Variants in SMG6 observed in about 807,000 individuals in gnomAD.
The protein encoded by SMG6 is telomerase-binding protein EST1A.
A neutral mutation model predicts 142.2 loss-of-function variants in SMG6; 66 were observed. The observed-to-expected ratio is 0.46, with a 90% CI of 0.38 to 0.57. The LOEUF is 0.57. SMG6 is among the 20% of genes least tolerant of loss of function. The pLI is 0.00. For missense variants in SMG6, 1,793 were observed against 1,832.0 expected (o/e 0.98, Z 0.39); for synonymous variants, 779 against 702.4 (o/e 1.11, Z -1.72).
chr17:2,139,008 G>A (rs1182196720), intron 13 of SMG6, among the ~76,000 whole-genome samples: 5 of 152,138 alleles, frequency 3.3e-5, no homozygotes, highest in African/African-American at 4.8e-5. Flanking sequence ...GATGTGTAGC[G>A]TGGCACTGCC....
At chr17:2,062,234 C>G (rs542170729) in intron 18 of SMG6, 9 of 152,470 alleles carry the variant, frequency 5.9e-5, no homozygotes, top group African/African-American at 2.2e-4. Context: ...TAACAGTAAT[C>G]CATGTATACA....
At chr17:2,219,429 C>A (rs1002125639) in intron 10 of SMG6, among the ~76,000 whole-genome samples, 4 of 151,936 alleles carry the variant, frequency 2.6e-5, no homozygotes, top group Admixed American at 2.6e-4. Context: ...TTAATGTCTA[C>A]AGGAAGGTGG....
chr17:2,242,306 A>G (rs929340556), intron 9 of SMG6, among the ~76,000 whole-genome samples: 2 of 149,560 alleles, frequency 1.3e-5, no homozygotes, highest in Non-Finnish European at 3.0e-5. Flanking sequence ...AGGTCAGGAG[A>G]TCGAGACCAT....
chr17:2,195,595 C>T (rs1166233900), intron 10 of SMG6, among the ~76,000 whole-genome samples: 9 of 152,216 alleles, frequency 5.9e-5, no homozygotes, highest in Non-Finnish European at 2.9e-5. Context: ...AGTAGGCACA[C>T]TTGCCTCTCT....
intron 6 of SMG6, among the ~76,000 whole-genome samples, chr17:2,292,234 G>A (rs960359237): frequency 2.6e-5 from 4 of 152,210 alleles, no homozygotes; most frequent in African/African-American, 9.6e-5. Context: ...TAGTTCAACA[G>A]AAAGGGAAGA....
In SMG6 at chr17:2,164,538, G is replaced by A. The variant is rs140338828; in HGVS notation, c.3357+8120C>T. 1.9e-3 allele frequency among the ~76,000 whole-genome samples: 294 copies of A among 152,014 alleles called. 1 individual carries two copies. Among genetic ancestry groups the A allele is most frequent in the African/African-American group, 6.6e-3 (272 of 41,476 alleles). On this transcript the variant is annotated intron_variant, in intron 13 of 18. Coordinates refer to ENST00000263073, the MANE Select transcript of SMG6 (RefSeq NM_017575.5). ...CAGGATCATCACTTGAACCCAGGAG[G>A]TGGAGGTTGCAGCGTGCCGAGATCG...
In SMG6 at chr17:2,068,667, C is replaced by T; in HGVS notation, c.3835+111G>A. 8.7e-7 allele frequency: 1 copy of T among 1,148,240 alleles called. No homozygotes were observed. The highest frequency in any genetic ancestry group is 1.2e-6 in the Non-Finnish European group (1 of 817,458). The allele number at this position is 1,148,240 out of a possible 1,614,324, so 71.1% of individuals were successfully genotyped here. A position where few individuals can be genotyped will look rare whatever the true frequency, so the allele number is the denominator to read the frequency against. The stretch of plus-strand genomic sequence containing the variant: ...TTCCCTACTCCCCTGCAAATCCCAT[C>T]TTACACACGCACAGCAGGGCTCTGC... On this transcript the variant is annotated intron_variant, in intron 16 of 18. Transcript: ENST00000263073. The surrounding 1 kb of genome is among the most constrained non-coding windows in gnomAD (Gnocchi z 6.7).
intron 13 of SMG6, among the ~76,000 whole-genome samples, chr17:2,146,399 T>A (rs959159304): frequency 6.6e-6 from 1 of 152,186 alleles, no homozygotes; most frequent in Admixed American, 6.5e-5. Flanking sequence ...TGAACAGATA[T>A]GAGTAAGTAG....
At chr17:2,192,817 T>C (rs1567672435) in intron 10 of SMG6, among the ~76,000 whole-genome samples, 1 of 152,206 alleles carries the variant, frequency 6.6e-6, no homozygotes, top group Non-Finnish European at 1.5e-5. Context: ...CCGTGGCAGC[T>C]GCTAGCTGAA....
At chr17:2,229,827 G>A (rs1414587483) in intron 10 of SMG6, among the ~76,000 whole-genome samples, 2 of 152,064 alleles carry the variant, frequency 1.3e-5, no homozygotes, top group African/African-American at 4.8e-5. Context: ...AATCTGGCCT[G>A]AGCCCCACAC....
chr17:2,159,423 G>C (rs1225508701), intron 13 of SMG6, among the ~76,000 whole-genome samples: 1 of 152,060 alleles, frequency 6.6e-6, no homozygotes, highest in African/African-American at 2.4e-5. Flanking sequence ...GCGAGACTCT[G>C]TCTCAAACAA....
intron 12 of SMG6, among the ~76,000 whole-genome samples, chr17:2,179,856 T>C (rs546930485): frequency 1.4e-4 from 21 of 152,288 alleles, no homozygotes; most frequent in African/African-American, 4.6e-4. Context: ...GAGAAAGCTC[T>C]GGGGATTAAA....
Position 2,299,988 on chromosome 17 carries a change from G to A in SMG6, c.765C>T (p.Arg255=). 2 of 1,614,106 alleles carry A rather than the reference G, an allele frequency of 1.2e-6. No homozygotes were observed. The highest frequency in any genetic ancestry group is 1.1e-5 in the South Asian group (1 of 91,086). ...SRSDKRRNRY[R]TRSTSSAGSN... Reference sequence around the variant, plus strand: ...TGCCAGCTGAGCTGGTGCTGCGCGTGCGGTAGCGATTCCTTCGTTTGTCTG... The same window carrying A: ...TGCCAGCTGAGCTGGTGCTGCGCGTACGGTAGCGATTCCTTCGTTTGTCTG... The change falls in exon 2 of 19, where the codon CGC becomes CGT. Residue 255 remains arginine, a synonymous_variant. Coordinates refer to ENST00000263073, the MANE Select transcript of SMG6 (RefSeq NM_017575.5). This position sits in a 1 kb window ranked among gnomAD's most constrained non-coding sequence, Gnocchi z 4.3.
At chr17:2,301,290 T>A (rs1258162658) in intron 1 of SMG6, among the ~76,000 whole-genome samples, 1 of 152,200 alleles carries the variant, frequency 6.6e-6, no homozygotes, top group Non-Finnish European at 1.5e-5. Flanking sequence ...TGCTGGTGAA[T>A]TAAACAGCAA....
At chr17:2,280,560 G>C (rs1172849869) in intron 8 of SMG6, 46 of 983,234 alleles carry the variant, frequency 4.7e-5, no homozygotes, top group Non-Finnish European at 5.6e-5. Context: ...ACCGCGTCAG[G>C]CCAGAAACTG....
At chr17:2,246,791 C>T (rs2073937678) in intron 8 of SMG6, among the ~76,000 whole-genome samples, 1 of 152,040 alleles carries the variant, frequency 6.6e-6, no homozygotes, top group Admixed American at 6.5e-5. Context: ...ACTAAAAATA[C>T]AAAAATTAGC....
intron 6 of SMG6, among the ~76,000 whole-genome samples, chr17:2,285,799 G>A (rs939290453): frequency 5.3e-5 from 8 of 151,940 alleles, no homozygotes; most frequent in South Asian, 4.2e-4. Flanking sequence ...TCAGCCTCCC[G>A]AGTAGCTGGG....
chr17:2,144,903 G>A (rs1266626323), intron 13 of SMG6, among the ~76,000 whole-genome samples: 2 of 152,008 alleles, frequency 1.3e-5, no homozygotes, highest in African/African-American at 4.8e-5. Context: ...TTTCAGGCCC[G>A]CTCACCATAG....
intron 13 of SMG6, among the ~76,000 whole-genome samples, chr17:2,121,661 T>C (rs1014059738): frequency 6.8e-6 from 1 of 146,096 alleles, no homozygotes; most frequent in South Asian, 2.2e-4. Flanking sequence ...AGAGAGAGAG[T>C]ATCACCCAGG....
Sources: gnomAD v4.1 joint callset for allele counts (sites outside exome capture counted in the v4.1 genomes callset) on GRCh38, gnomAD v4.1.1 for gene constraint, Gnocchi (gnomAD v3.1) non-coding constraint, MANE v1.5 for transcripts, NCBI Gene and HGNC (gene_info 2026-07-23, HGNC 2026-07-21) for gene names.